Variants in CNNM2 observed in about 807,000 individuals in gnomAD.
The protein encoded by CNNM2 is metal transporter CNNM2.
A neutral mutation model predicts 66.9 loss-of-function variants in CNNM2; 12 were observed. The observed-to-expected ratio is 0.18, with a 90% CI of 0.11 to 0.29. The LOEUF (loss-of-function observed/expected upper bound fraction) is 0.29. Ranked by LOEUF, CNNM2 falls within the 10% of genes least tolerant of loss-of-function variation. The probability of loss-of-function intolerance (pLI) is 1.00; values close to 1 mark genes in which losing one functional copy is unlikely to be tolerated. For synonymous variants in CNNM2, 557 were observed against 501.8 expected (o/e 1.11, Z -1.47); for missense variants, 705 against 1,167.7 (o/e 0.60, Z 5.77).
chr10:103,040,870 T>C (rs963679208), intron 1 of CNNM2, among the ~76,000 whole-genome samples: 1 of 152,208 alleles, frequency 6.6e-6, no homozygotes, highest in African/African-American at 2.4e-5. Context: ...CCCCTCAGTT[T>C]GCCTCTTGTA....
At chr10:102,997,757 A>G (rs1252359706) in intron 1 of CNNM2, among the ~76,000 whole-genome samples, 1 of 152,218 alleles carries the variant, frequency 6.6e-6, no homozygotes, top group Non-Finnish European at 1.5e-5. Context: ...GGATAAAGCT[A>G]CAATATTAAG....
chr10:103,017,328 C>G (rs1317374221), intron 1 of CNNM2, among the ~76,000 whole-genome samples: 1 of 152,150 alleles, frequency 6.6e-6, no homozygotes, highest in Non-Finnish European at 1.5e-5. Context: ...AGACAGCGTT[C>G]TAGGCATGGA....
chr10:103,058,378 A>G (rs957742838), intron 4 of CNNM2, among the ~76,000 whole-genome samples: 3 of 152,260 alleles, frequency 2.0e-5, no homozygotes, highest in African/African-American at 7.2e-5. Context: ...AACTCTGGAT[A>G]CATCAAAGAC....
chr10:102,919,682 T>C lies in CNNM2; in HGVS notation c.1202T>C (p.Leu401Pro), dbSNP rs1356721970. The C allele has an allele frequency of 6.2e-7, 1 of 1,614,234 alleles. No individual in the cohort carries two copies. The change falls in exon 1 of 8, where the codon CTG becomes CCG. Residue 401 changes from leucine (L) to proline (P), a missense_variant. Transcript: ENST00000369878. ...GTCAGCAAGCTGCTGGACTGCGTCC[T>C]GGGCCAGGAGATAGGCACCGTCTAT... ...YPVSKLLDCV[L>P]GQEIGTVYNR...
intron 1 of CNNM2, among the ~76,000 whole-genome samples, chr10:102,947,389 G>A (rs1455554509): frequency 6.6e-6 from 1 of 152,150 alleles, no homozygotes; most frequent in Non-Finnish European, 1.5e-5. Flanking sequence ...TCATTGTGAT[G>A]ATGTTATATA....
At chr10:102,941,043 A>G (rs1447857568) in intron 1 of CNNM2, among the ~76,000 whole-genome samples, 4 of 151,950 alleles carry the variant, frequency 2.6e-5, no homozygotes, top group Non-Finnish European at 5.9e-5. Flanking sequence ...TGGGTGATAC[A>G]GAATGTGTGA....
In CNNM2 at chr10:102,919,683, G is replaced by C. The variant is rs1462958356; in HGVS notation, c.1203G>C (p.Leu401=). 4 of 1,614,214 alleles carry C rather than the reference G, an allele frequency of 2.5e-6. No individual in the cohort carries two copies. The highest frequency in any genetic ancestry group is 3.4e-6 in the Non-Finnish European group (4 of 1,180,046). ...TCAGCAAGCTGCTGGACTGCGTCCT[G>C]GGCCAGGAGATAGGCACCGTCTATA... The part of the protein sequence containing the change: ...YPVSKLLDCV[L]GQEIGTVYNR... Residue 401 remains leucine (L), a synonymous_variant, in exon 1 of 8, where the codon CTG becomes CTC. Transcript: ENST00000369878.
intron 1 of CNNM2, among the ~76,000 whole-genome samples, chr10:103,039,484 C>T (rs2065001688): frequency 6.6e-6 from 1 of 152,136 alleles, no homozygotes. Context: ...TTGCAAGGCA[C>T]ATATCAGCAT....
chr10:102,989,357 CTTTAT>C (rs995639447), intron 1 of CNNM2, among the ~76,000 whole-genome samples: 40 of 151,816 alleles, frequency 2.6e-4, no homozygotes, highest in African/African-American at 9.7e-4. Context: ...CTGGGGTCGT[CTTTAT>C]TTTATTTTTT....
intron 4 of CNNM2, among the ~76,000 whole-genome samples, chr10:103,064,889 A>G (rs76639459): frequency 6.6e-6 from 1 of 151,774 alleles, no homozygotes; most frequent in Non-Finnish European, 1.5e-5. Context: ...CATCTTTATG[A>G]AAAAAAAATT....
At chr10:103,031,631 G>T (rs1041265707) in intron 1 of CNNM2, among the ~76,000 whole-genome samples, 6 of 152,152 alleles carry the variant, frequency 3.9e-5, no homozygotes, top group Non-Finnish European at 1.5e-5. Context: ...ACATCAGCCT[G>T]GTAGAAAGAC....
At chr10:102,923,800 G>A (rs752328488) in intron 1 of CNNM2, among the ~76,000 whole-genome samples, 1 of 152,156 alleles carries the variant, frequency 6.6e-6, no homozygotes, top group Non-Finnish European at 1.5e-5. Context: ...TACTAACAAT[G>A]TGCTGTACTA....
Position 102,976,425 on chromosome 10 carries a change from C to CTTTTTTTTTT in CNNM2, c.1621+56341_1621+56350dup, listed in dbSNP as rs1206577839. ...TTACAGTATCAGTTCCAATTCTTGC[C>CTTTTTTTTTT]TTTTTTTTTTTTTTTTTTTTTTTTT... On this transcript the variant is annotated intron_variant, in intron 1 of 7. Transcript: ENST00000369878. 2.9e-4 allele frequency among the ~76,000 whole-genome samples: 10 copies of CTTTTTTTTTT among 34,722 alleles called. 2 individuals are homozygous for CTTTTTTTTTT. Among genetic ancestry groups the CTTTTTTTTTT allele is most frequent in the Admixed American group, 1.4e-3 (3 of 2,136 alleles). The allele number at this position is 34,722 out of a possible 152,430, so 22.8% of individuals were successfully genotyped here. A position where few individuals can be genotyped will look rare whatever the true frequency, so the allele number is the denominator to read the frequency against.
intron 1 of CNNM2, among the ~76,000 whole-genome samples, chr10:102,928,425 A>G (rs1475038969): frequency 6.6e-6 from 1 of 152,050 alleles, no homozygotes; most frequent in Non-Finnish European, 1.5e-5. Flanking sequence ...TACTAAAAAC[A>G]CAAAAAATTA....
At chr10:103,028,775 TC>T (rs1286574057) in intron 1 of CNNM2, among the ~76,000 whole-genome samples, 1 of 151,360 alleles carries the variant, frequency 6.6e-6, no homozygotes, top group Non-Finnish European at 1.5e-5. Context: ...ATAATCTTCA[TC>T]CCCCTCCCAT....
At chr10:103,036,659 C>T (rs183983343) in intron 1 of CNNM2, among the ~76,000 whole-genome samples, 1 of 152,306 alleles carries the variant, frequency 6.6e-6, no homozygotes, top group African/African-American at 2.4e-5. Context: ...ATACCTCACC[C>T]AGGAAAGCAT....
At chr10:102,962,217 G>A (rs1404812430) in intron 1 of CNNM2, among the ~76,000 whole-genome samples, 2 of 152,150 alleles carry the variant, frequency 1.3e-5, no homozygotes, top group Non-Finnish European at 1.5e-5. Flanking sequence ...TAATGCATGC[G>A]GGGCTTAATA....
At position 102,995,318 on chromosome 10, in the gene CNNM2, T is replaced by G. The variant is rs11191496; in HGVS notation, c.1622-54389T>G. 1.1e-3 allele frequency among the ~76,000 whole-genome samples: 163 copies of G among 148,552 alleles called. 1 individual carries two copies. The East Asian group carries it at 0.031, about 28-fold the overall frequency. Reference sequence around the variant, plus strand: ...ACCTCTGCCTCCCAGGTTCAAGTGATTCTCCTGCCTCAGCCTCCCAAGCAG... The same window carrying G: ...ACCTCTGCCTCCCAGGTTCAAGTGAGTCTCCTGCCTCAGCCTCCCAAGCAG... On this transcript the variant is annotated intron_variant, in intron 1 of 7. Transcript: ENST00000369878.
At chr10:102,932,288 G>A (rs914750968) in intron 1 of CNNM2, among the ~76,000 whole-genome samples, 2 of 151,678 alleles carry the variant, frequency 1.3e-5, no homozygotes, top group South Asian at 4.2e-4. Flanking sequence ...GGCCTCAACC[G>A]ATCCTCCAGC....
Sources: allele counts gnomAD v4.1 joint callset (sites outside exome capture counted in the v4.1 genomes callset), GRCh38; gene constraint gnomAD v4.1.1; transcripts MANE v1.5; gene names NCBI Gene and HGNC (gene_info 2026-07-23, HGNC 2026-07-21).